The following RHOA variants were observed in gnomAD, a reference collection of about 807,000 sequenced individuals.
RHOA encodes transforming protein RhoA.
RHOA carries 3 observed loss-of-function variants against 17.5 expected under a neutral mutation model. The ratio of observed to expected loss-of-function variants is 0.17; its 90% confidence interval spans 0.08 to 0.44. The LOEUF (loss-of-function observed/expected upper bound fraction) is 0.44, where lower values mean the gene tolerates loss of function less well. Ranked by LOEUF, RHOA falls within the 20% of genes least tolerant of loss-of-function variation. The probability of loss-of-function intolerance (pLI) is 0.99; values close to 1 mark genes in which losing one functional copy is unlikely to be tolerated. For synonymous variants in RHOA, 98 were observed against 88.4 expected (o/e 1.11, Z -0.61); for missense variants, 56 against 242.3 (o/e 0.23, Z 5.10).
In RHOA at chr3:49,367,412, TAATG is replaced by T. The variant is rs545442025; in HGVS notation, c.277+1012_277+1015del. Among the ~76,000 whole-genome samples the T allele has an allele frequency of 3.1e-4, 47 of 149,658 alleles. No homozygotes were observed. In the South Asian group the frequency reaches 8.4e-3, roughly 27 times the overall value. The stretch of plus-strand genomic sequence containing the variant: ...CTGAATTATGTGGCTGTGTTTAGGC[TAATG>T]AAATGATCACATTCAAGCTTCTATC... On this transcript the variant is annotated intron_variant, in intron 3 of 4. Transcript: ENST00000418115.
chr3:49,383,392 C>T (rs1443642159), intron 1 of RHOA, among the ~76,000 whole-genome samples: 2 of 150,036 alleles, frequency 1.3e-5, no homozygotes, highest in Non-Finnish European at 3.0e-5. Flanking sequence ...TGCACTCCAG[C>T]CTGGTCTATA....
At chr3:49,398,110 C>T (rs894714004) in intron 1 of RHOA, among the ~76,000 whole-genome samples, 2 of 152,080 alleles carry the variant, frequency 1.3e-5, no homozygotes, top group Non-Finnish European at 2.9e-5. Flanking sequence ...CCTATAGTCC[C>T]AGCACTTTGG....
chr3:49,395,103 C>A (rs1000626912), intron 1 of RHOA, among the ~76,000 whole-genome samples: 5 of 145,404 alleles, frequency 3.4e-5, no homozygotes, highest in African/African-American at 1.0e-4. Context: ...CAAAAAAAAA[C>A]AGCCGGGTGT....
chr3:49,365,970 T>C (rs1054983945), intron 3 of RHOA, among the ~76,000 whole-genome samples: 3 of 151,958 alleles, frequency 2.0e-5, no homozygotes, highest in East Asian at 1.9e-4. Flanking sequence ...GATGGGAGGA[T>C]TGTTTGAGCC....
chr3:49,378,706 C>T (rs575466170), intron 1 of RHOA, among the ~76,000 whole-genome samples: 3 of 152,172 alleles, frequency 2.0e-5, no homozygotes, highest in Middle Eastern at 3.4e-3. Context: ...TCAACTCAAG[C>T]GATCCTCCCA....
At chr3:49,370,005 T>A (rs907625171) in intron 2 of RHOA, among the ~76,000 whole-genome samples, 1 of 151,770 alleles carries the variant, frequency 6.6e-6, no homozygotes, top group Non-Finnish European at 1.5e-5. Context: ...AGGCGGAGGT[T>A]GCAATGAGTG....
At chr3:49,377,109 CAA>C (rs2048240551) in intron 1 of RHOA, among the ~76,000 whole-genome samples, 1 of 152,138 alleles carries the variant, frequency 6.6e-6, no homozygotes, top group African/African-American at 2.4e-5. Context: ...GCCTGGGCAA[CAA>C]GAGCGAAACT....
At chr3:49,375,633 G>C (rs749413385) in intron 1 of RHOA, 42 bp from the exon 2 acceptor site, 1 of 1,592,130 alleles carries the variant, frequency 6.3e-7, no homozygotes, top group Non-Finnish European at 8.6e-7. Context: ...TGCACAAGAA[G>C]TCATAGGTAG....
In RHOA at chr3:49,408,212, A is replaced by G. The variant is rs539817438; in HGVS notation, c.-3+3608T>C. On this transcript the variant is annotated intron_variant, in intron 1 of 4. Transcript: ENST00000418115. The stretch of plus-strand genomic sequence containing the variant: ...TATACACACACACATACACACACGT[A>G]TATGTACACATATATATACGTATAC... Among the ~76,000 whole-genome samples, 4 of 151,954 alleles carry G rather than the reference A, an allele frequency of 2.6e-5. No individual in the cohort carries two copies. The East Asian group carries it at 7.7e-4, about 29-fold the overall frequency.
intron 1 of RHOA, among the ~76,000 whole-genome samples, chr3:49,410,588 T>C (rs1002520524): frequency 2.0e-5 from 3 of 152,198 alleles, no homozygotes; most frequent in African/African-American, 7.2e-5. Context: ...AAACTAGTTT[T>C]TCAGTCCAAT....
rs145576205 is a variant in RHOA, at chr3:49,378,517, G to A, written c.-2-2926C>T. The stretch of plus-strand genomic sequence containing the variant: ...TCGCCTCGGCCTCCCACAGTGCTGA[G>A]GGATTACAGGCGTGAGCCACTGCCC... On this transcript the variant is annotated intron_variant, in intron 1 of 4. Coordinates refer to ENST00000418115, the MANE Select transcript of RHOA (RefSeq NM_001664.4). Among the ~76,000 whole-genome samples the A allele has an allele frequency of 1.1e-3, 171 of 152,154 alleles. 3 individuals carry two copies. In the East Asian group the frequency reaches 0.031, roughly 27 times the overall value.
intron 1 of RHOA, among the ~76,000 whole-genome samples, chr3:49,384,718 G>A (rs1368995208): frequency 6.6e-6 from 1 of 151,868 alleles, no homozygotes; most frequent in Non-Finnish European, 1.5e-5. Context: ...ATGTTGCCCA[G>A]GATGGTCTTA....
chr3:49,400,227 C>A (rs79162252), intron 1 of RHOA, among the ~76,000 whole-genome samples: 2,268 of 136,730 alleles, frequency 0.017, 101 homozygotes, highest in African/African-American at 0.046. Context: ...AAAAAAAAAA[C>A]AAAAAAAACG....
At chr3:49,399,892 T>C (rs1297004193) in intron 1 of RHOA, among the ~76,000 whole-genome samples, 1 of 152,024 alleles carries the variant, frequency 6.6e-6, no homozygotes, top group Non-Finnish European at 1.5e-5. Context: ...AAGCAATACA[T>C]ATGCAAAAAT....
At chr3:49,392,917 C>G (rs1009174134) in intron 1 of RHOA, among the ~76,000 whole-genome samples, 3 of 152,202 alleles carry the variant, frequency 2.0e-5, no homozygotes, top group African/African-American at 7.2e-5. Context: ...TGGCTCACTT[C>G]TGTAATCCTA....
At chr3:49,372,627 C>T (rs376638087) in intron 2 of RHOA, among the ~76,000 whole-genome samples, 1 of 148,992 alleles carries the variant, frequency 6.7e-6, no homozygotes, top group African/African-American at 2.5e-5. Context: ...CCGGCTACTC[C>T]GGAGGATGAG....
intron 2 of RHOA, among the ~76,000 whole-genome samples, chr3:49,372,724 ACT>A (rs1291811375): frequency 1.4e-4 from 16 of 117,280 alleles, no homozygotes; most frequent in Non-Finnish European, 2.4e-4. Context: ...ACAGAGCGAG[ACT>A]CTGTCTCAAA....
intron 3 of RHOA, among the ~76,000 whole-genome samples, chr3:49,365,946 T>C (rs1202879119): frequency 1.3e-5 from 2 of 152,038 alleles, no homozygotes; most frequent in Non-Finnish European, 2.9e-5. Context: ...TACCAACTAC[T>C]GGGTGGGGAC....
intron 1 of RHOA, among the ~76,000 whole-genome samples, chr3:49,387,393 G>A (rs976906047): frequency 6.9e-6 from 1 of 144,296 alleles, no homozygotes; most frequent in Non-Finnish European, 1.5e-5. Context: ...GCAATGAGCC[G>A]AGATCGTGCC....
Sources: gnomAD v4.1 joint callset for allele counts (sites outside exome capture counted in the v4.1 genomes callset) on GRCh38, gnomAD v4.1.1 for gene constraint, MANE v1.5 for transcripts, NCBI Gene and HGNC (gene_info 2026-07-23, HGNC 2026-07-21) for gene names.